The following DOCK4 variants were observed in gnomAD, a reference collection of about 807,000 sequenced individuals.
The protein encoded by DOCK4 is dedicator of cytokinesis protein 4.
DOCK4 carries 97 observed loss-of-function variants against 268.1 expected under a neutral mutation model. The ratio of observed to expected loss-of-function variants is 0.36; its 90% CI spans 0.31 to 0.43. DOCK4 has a LOEUF of 0.43. Ranked by LOEUF, DOCK4 falls within the 20% of genes least tolerant of loss-of-function variation. DOCK4 has a pLI of 1.00. For synonymous variants in DOCK4, 954 were observed against 887.2 expected (o/e 1.08, Z -1.34); for missense variants, 2,145 against 2,455.7 (o/e 0.87, Z 2.67).
At chr7:111,993,399 T>A (rs1179404658) in intron 5 of DOCK4, among the ~76,000 whole-genome samples, 1 of 152,190 alleles carries the variant, frequency 6.6e-6, no homozygotes, top group African/African-American at 2.4e-5. Flanking sequence ...ACTTCCACAG[T>A]TACAGTGGGG....
At position 111,735,678 on chromosome 7, in the gene DOCK4, G is replaced by A. The variant is rs183872353; in HGVS notation, c.5306-511C>T. The stretch of plus-strand genomic sequence containing the variant: ...ACACTGAAATATGTCCTTAAAAAAT[G>A]ATTTGGAATATGGACAGTGTCATTC... On this transcript the variant is annotated intron_variant, in intron 50 of 52. Coordinates refer to ENST00000428084, the MANE Select transcript of DOCK4 (RefSeq NM_001363540.2). Among the ~76,000 whole-genome samples the A allele has an allele frequency of 3.3e-5, 5 of 152,318 alleles. No individual in the cohort carries two copies. The East Asian group carries it at 7.7e-4, about 23-fold the overall frequency.
chr7:112,180,323 A>G (rs930641866), intron 1 of DOCK4, among the ~76,000 whole-genome samples: 8 of 152,172 alleles, frequency 5.3e-5, no homozygotes, highest in African/African-American at 1.9e-4. Context: ...AAGACTTCAG[A>G]AAAACAGAAG....
At chr7:112,051,228 G>C (rs1165149270) in intron 1 of DOCK4, among the ~76,000 whole-genome samples, 1 of 152,032 alleles carries the variant, frequency 6.6e-6, no homozygotes, top group East Asian at 1.9e-4. Flanking sequence ...GTCAAGAAAA[G>C]TTTCATGCAT....
At chr7:111,951,688 A>C (rs1199052979) in intron 8 of DOCK4, among the ~76,000 whole-genome samples, 1 of 151,854 alleles carries the variant, frequency 6.6e-6, no homozygotes, top group Non-Finnish European at 1.5e-5. Context: ...GAAAGAAAAA[A>C]ATTAGCCAAG....
At chr7:111,827,048 T>C (rs1163660383) in intron 26 of DOCK4, among the ~76,000 whole-genome samples, 3 of 152,102 alleles carry the variant, frequency 2.0e-5, no homozygotes, top group Non-Finnish European at 2.9e-5. Context: ...ACTAGGGCAT[T>C]TTCTTCTTAC....
At chr7:111,983,230 G>C (rs921778847) in intron 7 of DOCK4, among the ~76,000 whole-genome samples, 3 of 152,144 alleles carry the variant, frequency 2.0e-5, no homozygotes, top group Non-Finnish European at 4.4e-5. Context: ...TCTCAAATCA[G>C]ATACATCCCC....
intron 1 of DOCK4, among the ~76,000 whole-genome samples, chr7:112,008,441 T>A (rs538405380): frequency 6.6e-6 from 1 of 152,350 alleles, no homozygotes; most frequent in South Asian, 2.1e-4. Context: ...TATATAATGA[T>A]ATCAGTTTAG....
intron 1 of DOCK4, among the ~76,000 whole-genome samples, chr7:112,094,895 C>A (rs756540410): frequency 6.6e-6 from 1 of 152,170 alleles, no homozygotes; most frequent in African/African-American, 2.4e-5. Context: ...CTCCTCCATT[C>A]GTCTTTTGCC....
intron 6 of DOCK4, among the ~76,000 whole-genome samples, chr7:111,985,093 T>C (rs1020741902): frequency 1.3e-5 from 2 of 151,078 alleles, no homozygotes; most frequent in African/African-American, 2.4e-5. Context: ...AACTGACTTG[T>C]GATGTCTTCC....
At position 112,206,090 on chromosome 7, in the gene DOCK4, G is replaced by A; in HGVS notation, c.37+12C>T. The A allele has an allele frequency of 6.3e-7, 1 of 1,576,854 alleles. No individual in the cohort carries two copies. Among genetic ancestry groups the A allele is most frequent in the Non-Finnish European group, 8.6e-7 (1 of 1,160,940 alleles). ...CCAGAGCAGAATAAAAGTTCGCCCC[G>A]CGGAGACTCACCCACGCCGTATTTC... is the stretch of plus-strand genomic sequence containing the variant. On this transcript the variant is annotated intron_variant, in intron 1 of 52. Coordinates refer to ENST00000428084, the MANE Select transcript of DOCK4 (RefSeq NM_001363540.2).
intron 39 of DOCK4, among the ~76,000 whole-genome samples, chr7:111,761,847 T>A (rs1362356591): frequency 6.6e-6 from 1 of 152,158 alleles, no homozygotes; most frequent in African/African-American, 2.4e-5. Context: ...CCCCATACAA[T>A]TCTAGATTTA....
At chr7:112,149,916 G>C (rs1252596446) in intron 1 of DOCK4, among the ~76,000 whole-genome samples, 2 of 152,184 alleles carry the variant, frequency 1.3e-5, no homozygotes, top group Non-Finnish European at 2.9e-5. Context: ...GGATGGAAAG[G>C]ATGTGGGAAA....
At chr7:111,897,683 C>T (rs967713091) in intron 15 of DOCK4, among the ~76,000 whole-genome samples, 1 of 152,166 alleles carries the variant, frequency 6.6e-6, no homozygotes, top group Admixed American at 6.5e-5. Context: ...CCCCACCCCC[C>T]AGTGCTGGCT....
chr7:112,086,283 A>G (rs956396949), intron 1 of DOCK4, among the ~76,000 whole-genome samples: 4 of 152,130 alleles, frequency 2.6e-5, no homozygotes, highest in Non-Finnish European at 5.9e-5. Context: ...ACCACAGTTC[A>G]TGCCCATTTA....
intron 27 of DOCK4, among the ~76,000 whole-genome samples, chr7:111,818,904 T>C (rs1024801645): frequency 1.3e-5 from 2 of 152,232 alleles, no homozygotes; most frequent in African/African-American, 4.8e-5. Flanking sequence ...ACCCCTCCTA[T>C]TCTAGTCCAG....
At chr7:111,749,570 A>C (rs1336735540) in intron 42 of DOCK4, among the ~76,000 whole-genome samples, 1 of 152,198 alleles carries the variant, frequency 6.6e-6, no homozygotes, top group Non-Finnish European at 1.5e-5. Flanking sequence ...CAAATTTTCT[A>C]AAAGTAAATA....
chr7:112,021,104 C>T (rs1009103361), intron 1 of DOCK4, among the ~76,000 whole-genome samples: 10 of 152,188 alleles, frequency 6.6e-5, no homozygotes, highest in East Asian at 1.9e-4. Context: ...CAAAAGCTGA[C>T]GCCCAAAGCC....
chr7:111,927,873 C>A (rs1676039012), intron 12 of DOCK4, among the ~76,000 whole-genome samples: 1 of 152,134 alleles, frequency 6.6e-6, no homozygotes, highest in African/African-American at 2.4e-5. Flanking sequence ...CTGAGCAGGT[C>A]ATAAGAAGTG....
chr7:112,139,750 GA>G (rs1057134659), intron 1 of DOCK4, among the ~76,000 whole-genome samples: 1 of 152,126 alleles, frequency 6.6e-6, no homozygotes, highest in South Asian at 2.1e-4. Context: ...TAAAGAGACA[GA>G]AAAAATCATT....
Sources: allele counts gnomAD v4.1 joint callset (sites outside exome capture counted in the v4.1 genomes callset), GRCh38; gene constraint gnomAD v4.1.1; transcripts MANE v1.5; gene names NCBI Gene and HGNC (gene_info 2026-07-23, HGNC 2026-07-21).